The following CFAP47 variants were observed in gnomAD, a reference collection of about 807,000 sequenced individuals.
The protein encoded by CFAP47 is cilia and flagella associated protein 47, also known as cilia- and flagella-associated protein 47.
A neutral mutation model predicts 148.1 loss-of-function variants in CFAP47; 29 were observed. The observed-to-expected ratio is 0.20, with a 90% CI of 0.15 to 0.27. The LOEUF (loss-of-function observed/expected upper bound fraction) is 0.27. Among genes scored for constraint, CFAP47 ranks in the 10% least tolerant of loss-of-function variants. The pLI, the probability that CFAP47 is intolerant of heterozygous loss-of-function variation, is 1.00. For missense variants in CFAP47, 1,872 were observed against 1,697.5 expected (o/e 1.10, Z -1.81); for synonymous variants, 664 against 577.3 (o/e 1.15, Z -2.15).
intron 49 of CFAP47, among the ~76,000 whole-genome samples, chrX:36,266,478 A>G (rs1556001062): frequency 9.0e-6 from 1 of 111,033 alleles, no homozygotes; most frequent in East Asian, 2.9e-4. Flanking sequence ...CCCTTCTGGC[A>G]GGGGATGCCA....
chrX:36,198,369 T>C (rs1047808854), intron 42 of CFAP47, among the ~76,000 whole-genome samples: 1 of 111,861 alleles, frequency 8.9e-6, no homozygotes, highest in African/African-American at 3.2e-5. Flanking sequence ...GAAGGGAGAA[T>C]GTTGGTTAAG....
chrX:36,071,548 G>A (rs749493422), intron 27 of CFAP47, among the ~76,000 whole-genome samples: 45 of 111,853 alleles, frequency 4.0e-4, no homozygotes, highest in African/African-American at 1.5e-3. Context: ...GTTGAACATT[G>A]TTCATTCTCT....
At chrX:36,113,409 T>C (rs60361354) in intron 33 of CFAP47, among the ~76,000 whole-genome samples, 1,282 of 111,820 alleles carry the variant, frequency 0.011, 24 homozygotes, top group African/African-American at 0.039. Context: ...ATATTGAATA[T>C]TGGCCCCCCA....
chrX:36,202,078 T>G (rs1225297345), intron 44 of CFAP47, among the ~76,000 whole-genome samples: 1 of 111,334 alleles, frequency 9.0e-6, no homozygotes, highest in African/African-American at 3.3e-5. Context: ...AATGCTTACC[T>G]CGTATATATA....
chrX:36,295,211 T>C (rs1157556596), intron 51 of CFAP47, among the ~76,000 whole-genome samples: 3 of 112,465 alleles, frequency 2.7e-5, no homozygotes, highest in African/African-American at 9.7e-5. Flanking sequence ...CCATTACTGT[T>C]TTACTTGAGT....
intron 42 of CFAP47, among the ~76,000 whole-genome samples, chrX:36,196,131 A>C (rs1001902360): frequency 9.0e-6 from 1 of 111,430 alleles, no homozygotes; most frequent in Non-Finnish European, 1.9e-5. Context: ...ACCCTCACTG[A>C]GTTTCCTAGC....
chrX:36,329,509 G>A (rs1439247874), intron 57 of CFAP47, among the ~76,000 whole-genome samples: 2 of 111,408 alleles, frequency 1.8e-5, no homozygotes, highest in African/African-American at 6.5e-5. Flanking sequence ...AACAGCAGTG[G>A]AATAATTAAC....
chrX:36,250,322 A>G (rs1555997964), intron 48 of CFAP47, among the ~76,000 whole-genome samples: 2 of 111,185 alleles, frequency 1.8e-5, no homozygotes, highest in Non-Finnish European at 3.8e-5. Flanking sequence ...AAAAGCAAAT[A>G]TTGCATGATC....
chrX:36,047,150 A>G (rs1937476559), intron 26 of CFAP47, 87 bp downstream of exon 26: 2 of 636,172 alleles, frequency 3.1e-6, no homozygotes, highest in Admixed American at 6.8e-5. Flanking sequence ...TGTTAAAAAG[A>G]GAGGGATCTA....
At chrX:35,932,977 G>C in intron 2 of CFAP47, among the ~76,000 whole-genome samples, 1 of 111,482 alleles carries the variant, frequency 9.0e-6, no homozygotes, top group East Asian at 2.8e-4. Context: ...GTTCACATGA[G>C]ATATTTTGAT....
At chrX:36,235,735 G>T (rs183924339) in intron 46 of CFAP47, among the ~76,000 whole-genome samples, 199 bp from the exon 47 acceptor site, 2 of 112,370 alleles carry the variant, frequency 1.8e-5, no homozygotes, top group Non-Finnish European at 3.8e-5. Context: ...GCTGTAGACC[G>T]GAGCTGTTCC....
chrX:36,044,115 G>C (rs1180954944), intron 25 of CFAP47, among the ~76,000 whole-genome samples: 3 of 113,237 alleles, frequency 2.6e-5, no homozygotes, highest in Non-Finnish European at 3.7e-5. Flanking sequence ...TGGGACACAG[G>C]GTACCAAGCC....
chrX:35,953,507 A>T, intron 6 of CFAP47, 85 bp from the exon 7 acceptor site: 1 of 707,111 alleles, frequency 1.4e-6, no homozygotes, highest in Non-Finnish European at 2.0e-6. Context: ...GCATAGATTT[A>T]AAGATTGGAT....
At chrX:36,088,551 G>A (rs931625155) in intron 30 of CFAP47, among the ~76,000 whole-genome samples, 9 of 110,507 alleles carry the variant, frequency 8.1e-5, no homozygotes, top group Admixed American at 2.9e-4. Context: ...TAGAGAGAAT[G>A]CTATGTGAGT....
At chrX:36,152,601 G>C (rs1380097769) in intron 37 of CFAP47, among the ~76,000 whole-genome samples, 1 of 111,424 alleles carries the variant, frequency 9.0e-6, no homozygotes, top group Non-Finnish European at 1.9e-5. Flanking sequence ...GGCTGATAAT[G>C]ATAAGCCCTG....
intron 53 of CFAP47, among the ~76,000 whole-genome samples, chrX:36,302,695 C>A (rs1238823850): frequency 2.7e-5 from 3 of 111,858 alleles, no homozygotes; most frequent in African/African-American, 9.7e-5. Flanking sequence ...TATGAACACT[C>A]ATTTATTATT....
intron 57 of CFAP47, among the ~76,000 whole-genome samples, chrX:36,320,091 GCTGGGCTTA>G (rs1181119522): frequency 2.7e-5 from 3 of 111,467 alleles, no homozygotes; most frequent in African/African-American, 9.8e-5. Context: ...CTCCCAAAGT[GCTGGGCTTA>G]CAGGGGTGAG....
At chrX:36,240,659 A>C (rs1196418016) in intron 48 of CFAP47, among the ~76,000 whole-genome samples, 1 of 111,124 alleles carries the variant, frequency 9.0e-6, no homozygotes, top group Admixed American at 9.6e-5. Context: ...CCAATGTATG[A>C]CTTACAGTAG....
At chrX:36,188,804 A>G (rs1384162463) in intron 41 of CFAP47, 114 bp downstream of exon 41, 4 of 282,123 alleles carry the variant, frequency 1.4e-5, no homozygotes, top group African/African-American at 1.1e-4. Flanking sequence ...CAGAGTAGTA[A>G]GCCCTGGGGA....
Sources: allele counts gnomAD v4.1 joint callset (sites outside exome capture counted in the v4.1 genomes callset), GRCh38; gene constraint gnomAD v4.1.1; transcripts MANE v1.5; gene names NCBI Gene and HGNC (gene_info 2026-07-23, HGNC 2026-07-21).